Variants in MYO10 observed in about 807,000 individuals in gnomAD.
The protein encoded by MYO10 is unconventional myosin-X.
In MYO10, 133 loss-of-function variants were observed where a neutral mutation model predicts 257.3. The ratio of observed to expected loss-of-function variants is 0.52; its 90% confidence interval spans 0.45 to 0.60. MYO10 has a LOEUF of 0.60. MYO10 is among the 20% of genes least tolerant of loss of function. MYO10 has a pLI of 0.00. For missense variants in MYO10, 2,399 were observed against 2,635.7 expected, an observed-to-expected ratio of 0.91 and a Z score of 1.97; for synonymous variants, 1,104 against 1,028.6, an observed-to-expected ratio of 1.07 and a Z score of -1.40.
At position 16,703,858 on chromosome 5, in the gene MYO10, A is replaced by G. The variant is rs1198662785; in HGVS notation, c.2277-700T>C. On this transcript the variant is annotated intron_variant, in intron 22 of 40. Coordinates refer to ENST00000513610, the MANE Select transcript of MYO10 (RefSeq NM_012334.3). Reference sequence around the variant, plus strand: ...GATCGCACCATTGCACTCCAGCCAGACGAGCGAGCGAGACTCTGTCTCAAA... The same window carrying G: ...GATCGCACCATTGCACTCCAGCCAGGCGAGCGAGCGAGACTCTGTCTCAAA... 1.2e-3 allele frequency among the ~76,000 whole-genome samples: 172 copies of G among 140,984 alleles called. 1 individual carries two copies. The highest frequency in any genetic ancestry group is 2.6e-3 in the Admixed American group (34 of 13,254). 92.5% of individuals were successfully genotyped at this position (140,984 alleles called of 152,430 possible).
At chr5:16,724,411 A>C (rs1739273565) in intron 19 of MYO10, among the ~76,000 whole-genome samples, 1 of 152,196 alleles carries the variant, frequency 6.6e-6, no homozygotes, top group Non-Finnish European at 1.5e-5. Context: ...ATTCTGTCCA[A>C]CTGGATTTGA....
chr5:16,784,999 G>A, intron 4 of MYO10, among the ~76,000 whole-genome samples: 1 of 61,460 alleles, frequency 1.6e-5, no homozygotes, highest in South Asian at 4.9e-4. Flanking sequence ...CCTAGGGGAG[G>A]TTTGCGCGCA....
At chr5:16,753,347 T>G (rs749527273) in intron 19 of MYO10, among the ~76,000 whole-genome samples, 24 of 152,078 alleles carry the variant, frequency 1.6e-4, no homozygotes, top group Non-Finnish European at 2.9e-4. Context: ...TTTAATATTT[T>G]TAGTAGAGAC....
At chr5:16,669,007 CAG>C (rs1157271132) in intron 39 of MYO10, among the ~76,000 whole-genome samples, 1 of 152,220 alleles carries the variant, frequency 6.6e-6, no homozygotes, top group African/African-American at 2.4e-5. Context: ...AGAGTGGGAA[CAG>C]GGACTTTACC....
At chr5:16,820,065 C>T (rs892212303) in intron 2 of MYO10, among the ~76,000 whole-genome samples, 5 of 152,256 alleles carry the variant, frequency 3.3e-5, no homozygotes, top group Admixed American at 2.6e-4. Flanking sequence ...CCCCACAGGG[C>T]TGGCAGAGGC....
chr5:16,816,048 A>G (rs546088304), intron 3 of MYO10, among the ~76,000 whole-genome samples: 38 of 152,008 alleles, frequency 2.5e-4, no homozygotes, highest in African/African-American at 8.7e-4. Context: ...TGTAAAAAAA[A>G]AAAAAAAAAA....
At position 16,669,468 on chromosome 5, in the gene MYO10, C is replaced by T. The variant is rs932373830; in HGVS notation, c.5884-1000G>A. 1.8e-4 allele frequency among the ~76,000 whole-genome samples: 27 copies of T among 152,190 alleles called. 1 individual carries two copies. The highest frequency in any genetic ancestry group is 1.3e-3 in the Admixed American group (20 of 15,292). ...ATCCGCCCGCCTTGGCCTCCCAAAGCGCTGGGATTACAGGCATGAGCCACC... is the reference window on the plus strand; with the variant it reads ...ATCCGCCCGCCTTGGCCTCCCAAAGTGCTGGGATTACAGGCATGAGCCACC... On this transcript the variant is annotated intron_variant, in intron 39 of 40. Coordinates refer to ENST00000513610, the MANE Select transcript of MYO10 (RefSeq NM_012334.3).
intron 1 of MYO10, among the ~76,000 whole-genome samples, chr5:16,882,765 T>C (rs1314322764): frequency 1.3e-5 from 2 of 152,162 alleles, no homozygotes; most frequent in African/African-American, 4.8e-5. Context: ...GGACAGTGAC[T>C]GAGTGAAAAA....
chr5:16,748,953 T>C lies in MYO10; in HGVS notation c.1929+5875A>G, dbSNP rs191585263. ...CTTTACAGAAGACCCCTGTGTGAGA[T>C]GGTTTACACATCCTCATCTTCATCC... is the stretch of plus-strand genomic sequence containing the variant. On this transcript the variant is annotated intron_variant, in intron 19 of 40. Coordinates refer to ENST00000513610, the MANE Select transcript of MYO10 (RefSeq NM_012334.3). Among the ~76,000 whole-genome samples, 107 of 152,116 alleles carry C rather than the reference T, an allele frequency of 7.0e-4. 2 individuals are homozygous for C. Among genetic ancestry groups the C allele is most frequent in the Admixed American group, 4.3e-3 (66 of 15,280 alleles).
In MYO10 at chr5:16,675,086, C is replaced by G; in HGVS notation, c.4731G>C (p.Gln1577His). 4 of 1,613,962 alleles carry G rather than the reference C, an allele frequency of 2.5e-6. No homozygotes were observed. The highest frequency in any genetic ancestry group is 3.4e-6 in the Non-Finnish European group (4 of 1,179,892). Residue 1577 changes from glutamine (Q) to histidine (H), a missense_variant, in exon 35 of 41, where the codon CAG (glutamine) becomes CAC (histidine). Around this residue, in one of 3 missense-constraint regions of MYO10, gnomAD observed 1,820 missense variants for 1,939.4 expected, o/e 0.94. Coordinates refer to ENST00000513610, the MANE Select transcript of MYO10 (RefSeq NM_012334.3). ...TTGGGTCAGACATGGACTCCAGTTGCTGCAGGGAATTGAATATCTTGATGG... is the reference window on the plus strand; with the variant it reads ...TTGGGTCAGACATGGACTCCAGTTGGTGCAGGGAATTGAATATCTTGATGG... Reference protein sequence around the residue: ...DEAIKIFNSLQQLESMSDPIP... With the variant: ...DEAIKIFNSLHQLESMSDPIP...
chr5:16,748,621 A>AGGGAGGGAGAGAGG (rs1560963927), intron 19 of MYO10, among the ~76,000 whole-genome samples: 23 of 135,390 alleles, frequency 1.7e-4, no homozygotes, highest in African/African-American at 6.3e-4. Context: ...AGAGAGGGAG[A>AGGGAGGGAGAGAGG]GAGGGAGGGA....
intron 1 of MYO10, among the ~76,000 whole-genome samples, chr5:16,933,368 G>C (rs31461): frequency 6.6e-6 from 1 of 152,002 alleles, no homozygotes; most frequent in African/African-American, 2.4e-5. Flanking sequence ...GCTAGAAATA[G>C]CAGTTGCGAA....
At chr5:16,933,293 C>T (rs1580166228) in intron 1 of MYO10, among the ~76,000 whole-genome samples, 1 of 152,296 alleles carries the variant, frequency 6.6e-6, no homozygotes, top group East Asian at 1.9e-4. Context: ...CTACAACACA[C>T]AGGACGGCCT....
At chr5:16,907,345 C>T (rs1022290656) in intron 1 of MYO10, among the ~76,000 whole-genome samples, 1 of 151,824 alleles carries the variant, frequency 6.6e-6, no homozygotes. Context: ...AGAGAATGAG[C>T]CAACAAAGGA....
intron 1 of MYO10, among the ~76,000 whole-genome samples, chr5:16,933,590 C>G (rs1308313204): frequency 1.3e-5 from 2 of 152,182 alleles, no homozygotes; most frequent in Non-Finnish European, 2.9e-5. Context: ...ATTTAGCTGT[C>G]CTTGGGGAAT....
chr5:16,902,293 C>T (rs889623261), intron 1 of MYO10: 3 of 803,826 alleles, frequency 3.7e-6, no homozygotes, highest in Non-Finnish European at 6.6e-6. Context: ...AACTCAGCTC[C>T]TTACATGGGC....
Position 16,694,529 on chromosome 5 carries a change from G to A in MYO10, c.3642C>T (p.Leu1214=), listed in dbSNP as rs906449654. 9.3e-6 allele frequency: 15 copies of A among 1,613,870 alleles called. No homozygotes were observed. Among genetic ancestry groups the A allele is most frequent in the Non-Finnish European group, 1.2e-5 (14 of 1,179,894 alleles). The stretch of plus-strand genomic sequence containing the variant: ...CTTTTTTGTGGAGCCAGCCTTGCTT[G>A]AGGGCCTCCTGCTTGGAGCGGAACC... ...FLWFRSKQEA[L]KQGWLHKKGG... Residue 1214 remains leucine (L), a synonymous_variant, in exon 27 of 41, where the codon CTC becomes CTT. Coordinates refer to ENST00000513610, the MANE Select transcript of MYO10 (RefSeq NM_012334.3).
intron 1 of MYO10, among the ~76,000 whole-genome samples, chr5:16,881,134 G>A (rs1250011899): frequency 6.6e-6 from 1 of 152,142 alleles, no homozygotes; most frequent in Non-Finnish European, 1.5e-5. Flanking sequence ...TCTGTGTATT[G>A]TGACCATCAC....
At chr5:16,848,546 T>G (rs143043769) in intron 2 of MYO10, among the ~76,000 whole-genome samples, 117 of 152,270 alleles carry the variant, frequency 7.7e-4, no homozygotes, top group Middle Eastern at 3.4e-3. Context: ...TTTCTCAAAC[T>G]TAATTTAATC....
Sources: allele counts gnomAD v4.1 joint callset (sites outside exome capture counted in the v4.1 genomes callset), GRCh38; gene constraint gnomAD v4.1.1; regional missense constraint gnomAD v4.1.1; transcripts MANE v1.5; gene names NCBI Gene and HGNC (gene_info 2026-07-23, HGNC 2026-07-21).